DIPK2A: variants seen among roughly 807,000 people sequenced by gnomAD.
The protein encoded by DIPK2A is Golgi Protein of 49 kDa.
DIPK2A carries 27 observed loss-of-function variants against 39.0 expected under a neutral mutation model. The observed-to-expected ratio is 0.69, with a 90% confidence interval of 0.51 to 0.96. DIPK2A has a LOEUF of 0.96. DIPK2A is among the 40% of genes least tolerant of loss of function. The pLI, the probability that DIPK2A is intolerant of heterozygous loss-of-function variation, is 0.00. For missense variants in DIPK2A, 528 were observed against 571.3 expected (o/e 0.92, Z 0.77); for synonymous variants, 298 against 240.8 (o/e 1.24, Z -2.20).
At chr3:143,980,543 A>G (rs911417254) in intron 1 of DIPK2A, among the ~76,000 whole-genome samples, 10 of 152,094 alleles carry the variant, frequency 6.6e-5, no homozygotes, top group Non-Finnish European at 8.8e-5. Context: ...CTGGGATTAT[A>G]GGTGTGAAGC....
At chr3:143,973,120 G>A (rs957942589) in intron 1 of DIPK2A, 131 bp downstream of exon 1, 77 of 1,287,318 alleles carry the variant, frequency 6.0e-5, no homozygotes, top group Non-Finnish European at 8.3e-5. Context: ...TGCAGGCGTG[G>A]GAAGGGGCGT....
chr3:143,986,275 G>A (rs1447325030), intron 2 of DIPK2A: 1 of 156,640 alleles, frequency 6.4e-6, no homozygotes, highest in Non-Finnish European at 1.4e-5. Flanking sequence ...CTTGAAATAT[G>A]GTTTGTACTT....
At chr3:143,983,278 T>C (rs2087851044) in intron 1 of DIPK2A, among the ~76,000 whole-genome samples, 1 of 152,208 alleles carries the variant, frequency 6.6e-6, no homozygotes, top group Non-Finnish European at 1.5e-5. Context: ...CACATTCTTC[T>C]CAGCATCATA....
intron 1 of DIPK2A, chr3:143,978,584 C>CTATA: frequency 1.0e-5 from 1 of 97,276 alleles, no homozygotes; most frequent in Non-Finnish European, 2.0e-5. Flanking sequence ...CAAAAGGTAT[C>CTATA]TATATCTATC....
At position 143,990,817 on chromosome 3, in the gene DIPK2A, C is replaced by G. The variant is rs998891051; in HGVS notation, c.*976C>G. On this transcript the variant is annotated 3_prime_UTR_variant, in exon 3 of 3. Transcript: ENST00000315691. ...GCTACTTATTCTTACCACCCTACTTCCAGTATTTTAGCTCTGTCATTATTA... is the reference window on the plus strand; with the variant it reads ...GCTACTTATTCTTACCACCCTACTTGCAGTATTTTAGCTCTGTCATTATTA... The G allele has an allele frequency of 2.6e-5, 4 of 152,564 alleles. No homozygotes were observed. Among genetic ancestry groups the G allele is most frequent in the African/African-American group, 7.2e-5 (3 of 41,436 alleles). The allele number at this position is 152,564 out of a possible 1,614,324, so 9.5% of individuals were successfully genotyped here.
Position 143,991,123 on chromosome 3 carries a change from C to T in DIPK2A, c.*1282C>T, listed in dbSNP as rs1215825591. 1 of 129,716 alleles carries T rather than the reference C, an allele frequency of 7.7e-6. No individual in the cohort carries two copies. Among genetic ancestry groups the T allele is most frequent in the Non-Finnish European group, 1.6e-5 (1 of 63,582 alleles). The allele number at this position is 129,716 out of a possible 1,614,324, so 8.0% of individuals were successfully genotyped here. On this transcript the variant is annotated 3_prime_UTR_variant, in exon 3 of 3. Coordinates refer to ENST00000315691, the MANE Select transcript of DIPK2A (RefSeq NM_173552.5). ...TTATTTGCATAGAAATGTGTGGGCT[C>T]TTTATATAAGTTGACTATCACTAAC... is the stretch of plus-strand genomic sequence containing the variant.
chr3:143,991,030 C>T lies in DIPK2A; in HGVS notation c.*1189C>T, dbSNP rs2087979271. ...CTAATCATTATTACTATAAAGCATA[C>T]AAATTAGCCAGTCAGCACACTTTGG... On this transcript the variant is annotated 3_prime_UTR_variant, in exon 3 of 3. Coordinates refer to ENST00000315691, the MANE Select transcript of DIPK2A (RefSeq NM_173552.5). 6.6e-6 allele frequency: 1 copy of T among 152,342 alleles called. No homozygotes were observed. The highest frequency in any genetic ancestry group is 1.5e-5 in the Non-Finnish European group (1 of 67,978). 9.4% of individuals were successfully genotyped at this position (152,342 alleles called of 1,614,324 possible).
chr3:143,985,910 T>G lies in DIPK2A; in HGVS notation c.961+64T>G, dbSNP rs2087892756. 4.5e-6 allele frequency: 6 copies of G among 1,331,898 alleles called. No homozygotes were observed. In the South Asian group the frequency reaches 8.6e-5, roughly 19 times the overall value. The allele number at this position is 1,331,898 out of a possible 1,614,324, so 82.5% of individuals were successfully genotyped here. On this transcript the variant is annotated intron_variant, in intron 2 of 2. Coordinates refer to ENST00000315691, the MANE Select transcript of DIPK2A (RefSeq NM_173552.5). ...TCCTATGTCAAAATAATGTTTATACTTGTATGAAATGAGCCTTGAATTTCC... is the reference window on the plus strand; with the variant it reads ...TCCTATGTCAAAATAATGTTTATACGTGTATGAAATGAGCCTTGAATTTCC...
At chr3:143,986,446 C>G (rs568738247) in intron 2 of DIPK2A, among the ~76,000 whole-genome samples, 1 of 152,178 alleles carries the variant, frequency 6.6e-6, no homozygotes, top group Non-Finnish European at 1.5e-5. Context: ...AAATGCCGGC[C>G]GGGTGCGGTG....
intron 1 of DIPK2A, among the ~76,000 whole-genome samples, chr3:143,980,524 C>T (rs376816124): frequency 1.4e-4 from 21 of 152,252 alleles, no homozygotes; most frequent in African/African-American, 4.8e-4. Context: ...ACTTAGGCCT[C>T]CCAAAGTGCT....
chr3:143,986,923 G>C (rs894920449), intron 2 of DIPK2A, among the ~76,000 whole-genome samples: 1 of 151,978 alleles, frequency 6.6e-6, no homozygotes, highest in African/African-American at 2.4e-5. Context: ...ACAAACAAAG[G>C]CTGAAAATTT....
chr3:143,974,402 A>G (rs554144471), intron 1 of DIPK2A, among the ~76,000 whole-genome samples: 4 of 152,262 alleles, frequency 2.6e-5, no homozygotes, highest in Non-Finnish European at 5.9e-5. Context: ...GAATGGATGC[A>G]TAAAACTGGT....
At chr3:143,985,876 C>T in intron 2 of DIPK2A, 30 bp downstream of exon 2, 1 of 1,528,646 alleles carries the variant, frequency 6.5e-7, no homozygotes, top group Non-Finnish European at 8.9e-7. Context: ...TTTTTTTCTA[C>T]TCATTTTTTC....
chr3:143,975,944 T>C (rs11921332), intron 1 of DIPK2A, among the ~76,000 whole-genome samples: 269 of 152,222 alleles, frequency 1.8e-3, no homozygotes, highest in African/African-American at 6.1e-3. Flanking sequence ...TTTGATAAGG[T>C]GTTTAAGAAC....
intron 1 of DIPK2A, among the ~76,000 whole-genome samples, chr3:143,974,984 C>T (rs1240493959): frequency 6.6e-6 from 1 of 152,086 alleles, no homozygotes; most frequent in Admixed American, 6.6e-5. Flanking sequence ...TTCCCTCAAA[C>T]TTACTCTTTA....
At chr3:143,982,074 G>T (rs531458190) in intron 1 of DIPK2A, among the ~76,000 whole-genome samples, 7 of 152,226 alleles carry the variant, frequency 4.6e-5, no homozygotes, top group African/African-American at 1.7e-4. Flanking sequence ...CTGTGTTTTT[G>T]TGTGTACACG....
Position 143,972,147 on chromosome 3 carries a change from C to T in DIPK2A, c.-186C>T. 1 of 444,568 alleles carries T rather than the reference C, an allele frequency of 2.2e-6. No individual in the cohort carries two copies. The highest frequency in any genetic ancestry group is 3.8e-6 in the Non-Finnish European group (1 of 262,860). The allele number at this position is 444,568 out of a possible 1,614,324, so 27.5% of individuals were successfully genotyped here. A position where few individuals can be genotyped will look rare whatever the true frequency, so the allele number is the denominator to read the frequency against. On this transcript the variant is annotated 5_prime_UTR_variant, in exon 1 of 3. Transcript: ENST00000315691. ...GACTAGTGACTGGGAGAAGTCGCAGCCCGCTCAGGCCCGCGCCTTCCCGCT... is the reference window on the plus strand; with the variant it reads ...GACTAGTGACTGGGAGAAGTCGCAGTCCGCTCAGGCCCGCGCCTTCCCGCT...
rs1259936344 is a variant in DIPK2A, at chr3:143,989,870, AT to A, written c.*32del. On this transcript the variant is annotated 3_prime_UTR_variant, in exon 3 of 3. Transcript: ENST00000315691. ...ATGGTGAACTTTTCTTTTTTTCTCC[AT>A]TTAAACAGCACTGGCTAAAACTAAA... 3 of 1,553,884 alleles carry A rather than the reference AT, an allele frequency of 1.9e-6. No homozygotes were observed. The highest frequency in any genetic ancestry group is 1.4e-5 in the African/African-American group (1 of 73,398).
chr3:143,982,350 T>C (rs56153797), intron 1 of DIPK2A, among the ~76,000 whole-genome samples: 4,365 of 152,212 alleles, frequency 0.029, 85 homozygotes, highest in Middle Eastern at 0.048. Context: ...TCTGGAATTG[T>C]TACTTAAAAT....
Sources: gnomAD v4.1 joint callset for allele counts (sites outside exome capture counted in the v4.1 genomes callset) on GRCh38, gnomAD v4.1.1 for gene constraint, MANE v1.5 for transcripts, NCBI Gene and HGNC (gene_info 2026-07-23, HGNC 2026-07-21) for gene names.